The following FSTL4 variants were observed in gnomAD, a reference collection of about 807,000 sequenced individuals.
FSTL4 encodes follistatin like 4, also known as follistatin-related protein 4.
In FSTL4, 28 loss-of-function variants were observed where a neutral mutation model predicts 78.2. The observed-to-expected ratio is 0.36, with a 90% CI of 0.27 to 0.49. The LOEUF (loss-of-function observed/expected upper bound fraction) is 0.49. FSTL4 is among the 20% of genes least tolerant of loss of function. The pLI is 0.98. For missense variants in FSTL4, 922 were observed against 1,084.9 expected, an observed-to-expected ratio of 0.85 and a Z score of 2.11; for synonymous variants, 422 against 440.5, an observed-to-expected ratio of 0.96 and a Z score of 0.53.
At chr5:133,797,088 T>A in the FSTL4 span, among the ~76,000 whole-genome samples, 2,065 of 152,286 alleles carry the variant, frequency 0.014, 54 homozygotes, top group African/African-American at 0.047. Flanking sequence ...CCAATATGAG[T>A]GACCATGGCC....
intron 3 of FSTL4, among the ~76,000 whole-genome samples, chr5:133,525,543 C>T (rs978735476): frequency 4.6e-5 from 7 of 152,242 alleles, no homozygotes; most frequent in Non-Finnish European, 7.3e-5. Context: ...AGTCTCCTCA[C>T]GGTCTCTGTT....
At chr5:133,745,471 A>G in the FSTL4 span, among the ~76,000 whole-genome samples, 5 of 152,240 alleles carry the variant, frequency 3.3e-5, no homozygotes, top group African/African-American at 1.2e-4. Context: ...ATAAATCCAC[A>G]CATAGTGTAT....
At position 133,440,538 on chromosome 5, in the gene FSTL4, G is replaced by A. The variant is rs757040791; in HGVS notation, c.161-39552C>T. ...ATTCAACTTCCTGGGAGAAGCAGTC[G>A]GTACTGGACTTAGCTTATCGCCTCC... On this transcript the variant is annotated intron_variant, in intron 3 of 15. Transcript: ENST00000265342. The surrounding 1 kb of genome is among the most constrained non-coding windows in gnomAD (Gnocchi z 4.1). 1.3e-5 allele frequency among the ~76,000 whole-genome samples: 2 copies of A among 152,302 alleles called. No homozygotes were observed. Among genetic ancestry groups the A allele is most frequent in the South Asian group, 2.1e-4 (1 of 4,826 alleles).
chr5:133,309,831 A>T (rs1264246625), intron 6 of FSTL4, among the ~76,000 whole-genome samples: 1 of 152,226 alleles, frequency 6.6e-6, no homozygotes, highest in Non-Finnish European at 1.5e-5. Context: ...ATACCCAAGG[A>T]CGCCAGCAAA....
intron 4 of FSTL4, among the ~76,000 whole-genome samples, chr5:133,393,779 G>C (rs1421343638): frequency 1.3e-5 from 2 of 152,242 alleles, no homozygotes; most frequent in African/African-American, 4.8e-5. Flanking sequence ...CAAGGGTCTA[G>C]TTTCCTGATG....
intron 3 of FSTL4, among the ~76,000 whole-genome samples, chr5:133,480,145 A>G (rs576722425): frequency 6.6e-6 from 1 of 152,326 alleles, no homozygotes; most frequent in South Asian, 2.1e-4. Flanking sequence ...CCCCGCATGC[A>G]GTAGGCAGAT....
At chr5:133,635,561 C>T in the FSTL4 span, among the ~76,000 whole-genome samples, 14,456 of 152,102 alleles carry the variant, frequency 0.095, 792 homozygotes, top group Admixed American at 0.15. Flanking sequence ...GTCAGGAGTT[C>T]GAGACAAGCC....
intron 3 of FSTL4, among the ~76,000 whole-genome samples, chr5:133,448,730 G>T: frequency 7.5e-6 from 1 of 132,604 alleles, no homozygotes; most frequent in South Asian, 2.6e-4. Flanking sequence ...ATCCCCAGGG[G>T]TGCGGGGGCG....
At position 133,210,218 on chromosome 5, in the gene FSTL4, G is replaced by C; in HGVS notation, c.1689C>G (p.Asp563Glu). The C allele has an allele frequency of 6.2e-7, 1 of 1,609,298 alleles. No individual in the cohort carries two copies. Among genetic ancestry groups the C allele is most frequent in the Non-Finnish European group, 8.5e-7 (1 of 1,175,738 alleles). ...HDQVWVLSWG[D>E]VHKSRPSLQV... ...GGAGACTTGGTCGGGACTTGTGCACGTCCCCCCAGCTCAGGACCCACACTT... is the reference window on the plus strand; with the variant it reads ...GGAGACTTGGTCGGGACTTGTGCACCTCCCCCCAGCTCAGGACCCACACTT... Residue 563 changes from aspartate to glutamate, a missense_variant, in exon 14 of 16, where the codon GAC (aspartate) becomes GAG (glutamate). Coordinates refer to ENST00000265342, the MANE Select transcript of FSTL4 (RefSeq NM_015082.2).
the FSTL4 span, among the ~76,000 whole-genome samples, chr5:133,725,049 C>G: frequency 2.0e-5 from 3 of 152,120 alleles, no homozygotes; most frequent in Non-Finnish European, 2.9e-5. Context: ...ATTTCTGGAC[C>G]CTATTCCATT....
At chr5:133,626,609 A>G in the FSTL4 span, among the ~76,000 whole-genome samples, 1 of 151,350 alleles carries the variant, frequency 6.6e-6, no homozygotes, top group Non-Finnish European at 1.5e-5. Context: ...AGTTTAATAT[A>G]TTTTTTTATT....
chr5:133,474,386 C>T (rs1045898325), intron 3 of FSTL4, among the ~76,000 whole-genome samples: 2 of 152,224 alleles, frequency 1.3e-5, no homozygotes, highest in Non-Finnish European at 2.9e-5. Context: ...CCCCGGAACA[C>T]AGGTTCAGGC....
chr5:133,576,115 G>A (rs1760272276), intron 2 of FSTL4, among the ~76,000 whole-genome samples: 2 of 152,168 alleles, frequency 1.3e-5, no homozygotes, highest in Non-Finnish European at 2.9e-5. Flanking sequence ...TATAATATGA[G>A]TGCTGAGCAA....
intron 3 of FSTL4, among the ~76,000 whole-genome samples, chr5:133,553,545 A>T (rs1483885096): frequency 6.6e-6 from 1 of 152,168 alleles, no homozygotes; most frequent in Admixed American, 6.5e-5. Context: ...ACCAAATCAC[A>T]AATCCTTTCA....
At chr5:133,710,685 C>T in the FSTL4 span, among the ~76,000 whole-genome samples, 14 of 152,302 alleles carry the variant, frequency 9.2e-5, no homozygotes, top group East Asian at 2.7e-3. Context: ...AAAGCATGAC[C>T]CTGGCCTAGG....
At chr5:133,690,044 A>G in the FSTL4 span, among the ~76,000 whole-genome samples, 15 of 151,346 alleles carry the variant, frequency 9.9e-5, no homozygotes, top group African/African-American at 3.4e-4. Flanking sequence ...CTGGGCAACA[A>G]GAGCAAAACT....
intron 11 of FSTL4, 147 bp downstream of exon 11, chr5:133,224,043 A>G: frequency 1.7e-6 from 1 of 596,502 alleles, no homozygotes; most frequent in Non-Finnish European, 3.0e-6. Flanking sequence ...GATTCAATGC[A>G]TATGCCACTT....
intron 6 of FSTL4, among the ~76,000 whole-genome samples, chr5:133,287,302 G>A (rs1365070102): frequency 6.6e-6 from 1 of 151,656 alleles, no homozygotes; most frequent in African/African-American, 2.4e-5. Flanking sequence ...GCAGGAGAAT[G>A]GCATGAACCC....
chr5:133,213,508 G>A (rs541396364), intron 13 of FSTL4, among the ~76,000 whole-genome samples: 1 of 152,176 alleles, frequency 6.6e-6, no homozygotes, highest in Non-Finnish European at 1.5e-5. Flanking sequence ...AGGGGGAGGA[G>A]GGTTGAAGGA....
Sources: allele counts gnomAD v4.1 joint callset (sites outside exome capture counted in the v4.1 genomes callset), GRCh38; gene constraint gnomAD v4.1.1; non-coding constraint Gnocchi (gnomAD v3.1); transcripts MANE v1.5; gene names NCBI Gene and HGNC (gene_info 2026-07-23, HGNC 2026-07-21).